Variants in APOB observed in about 807,000 individuals in gnomAD.
The protein encoded by APOB is apolipoprotein B.
Under a neutral mutation model 314.1 loss-of-function variants are expected in APOB, and 153 were observed. The observed-to-expected ratio is 0.49, with a 90% CI of 0.43 to 0.56. The LOEUF (loss-of-function observed/expected upper bound fraction) is 0.56. Ranked by LOEUF, APOB falls within the 20% of genes least tolerant of loss-of-function variation. The pLI, the probability that APOB is intolerant of heterozygous loss-of-function variation, is 0.00. For missense variants in APOB, 5,430 were observed against 5,350.7 expected, an observed-to-expected ratio of 1.01 and a Z score of -0.46; for synonymous variants, 2,087 against 2,036.4, an observed-to-expected ratio of 1.02 and a Z score of -0.67.
In APOB at chr2:21,012,128, G is replaced by A. The variant is rs758468209; in HGVS notation, c.4740C>T (p.Asn1580=). Residue 1580 remains asparagine (N), a synonymous_variant, in exon 26 of 29, where the codon AAC becomes AAT. Coordinates refer to ENST00000233242, the MANE Select transcript of APOB (RefSeq NM_000384.3). ...LKSDTNGKYK[N]FATSNKMDMT... is the part of the protein sequence containing the mutation. ...TATCCATCTTGTTAGAAGTGGCAAA[G>A]TTCTTATACTTCCCATTGGTGTCAG... 3.7e-6 allele frequency: 6 copies of A among 1,606,932 alleles called. No homozygotes were observed. The highest frequency in any genetic ancestry group is 5.1e-6 in the Non-Finnish European group (6 of 1,175,874).
chr2:21,040,086 G>C (rs1157889073), intron 4 of APOB, among the ~76,000 whole-genome samples: 1 of 152,138 alleles, frequency 6.6e-6, no homozygotes, highest in Non-Finnish European at 1.5e-5. Flanking sequence ...GATTGCAGAT[G>C]GGTGTCGGGA....
intron 24 of APOB, among the ~76,000 whole-genome samples, chr2:21,013,982 G>A (rs1224078329): frequency 6.6e-6 from 1 of 152,166 alleles, no homozygotes; most frequent in East Asian, 1.9e-4. Context: ...ATACAAATTT[G>A]CTAAACTGAA....
chr2:21,022,456 TG>T lies in APOB; in HGVS notation c.2816+374del, dbSNP rs1037469208. Among the ~76,000 whole-genome samples, 13 of 152,320 alleles carry T rather than the reference TG, an allele frequency of 8.5e-5. No individual in the cohort carries two copies. In the East Asian group the frequency reaches 2.5e-3, roughly 29 times the overall value. On this transcript the variant is annotated intron_variant, in intron 18 of 28. Transcript: ENST00000233242. ...AATCAATATGTTCTTAGGTATTTTT[TG>T]GGGGGGAAAATATTAATTTTCCAAA...
intron 7 of APOB, 58 bp from the exon 8 acceptor site, chr2:21,034,959 T>G: frequency 2.2e-6 from 2 of 894,962 alleles, no homozygotes; most frequent in South Asian, 2.6e-5. Flanking sequence ...ATTCTTTCCA[T>G]GTTGAAGGTT....
rs779869008 is a variant in APOB, at chr2:21,011,046, G to A, written c.5822C>T (p.Thr1941Ile). The change falls in exon 26 of 29, where the codon ACT becomes ATT. Residue 1941 changes from threonine to isoleucine, a missense_variant. Transcript: ENST00000233242. ...GGAGCCTTTGTAATCATGAGAGAAA[G>A]TAAATGCCAGAGGTTCTGCTTTCAA... Reference protein sequence around the residue: ...FLLKAEPLAFTFSHDYKGSTS... With the variant: ...FLLKAEPLAFIFSHDYKGSTS... 1.9e-5 allele frequency: 31 copies of A among 1,614,176 alleles called. 1 individual carries two copies. In the South Asian group the frequency reaches 3.4e-4, roughly 18 times the overall value.
At chr2:21,026,582 T>C (rs769290864) in intron 15 of APOB, among the ~76,000 whole-genome samples, 11 of 152,168 alleles carry the variant, frequency 7.2e-5, no homozygotes, top group Non-Finnish European at 1.5e-4. Context: ...AGAGTACTTA[T>C]TGTGAGTCTG....
rs544574394 is a variant in APOB at position 21,025,920 on chromosome 2, TC to T, written c.2245-797del. Among the ~76,000 whole-genome samples, 444 of 152,322 alleles carry T rather than the reference TC, an allele frequency of 2.9e-3. 1 individual carries two copies. The highest frequency in any genetic ancestry group is 1.0e-2 in the African/African-American group (414 of 41,574). On this transcript the variant is annotated intron_variant, in intron 15 of 28. Coordinates refer to ENST00000233242, the MANE Select transcript of APOB (RefSeq NM_000384.3). ...CCTATTTCCCTCCTTAAATGGGGGC[TC>T]ATTGCTAGCTTCAAAGTGGAAGTTT...
In APOB at chr2:21,002,698, G is replaced by C; in HGVS notation, c.12724C>G (p.Leu4242Val). ...YSKVHNGSEILFSYFQDLVIT... is the reference protein window; with the variant it reads ...YSKVHNGSEIVFSYFQDLVIT... ...ACTAGGTCTTGGAAATAGGAAAACA[G>C]TATTTCTGAACCATTATGGACTTTC... The change falls in exon 29 of 29, where the codon CTG becomes GTG. Residue 4242 changes from leucine to valine, a missense_variant. By Grantham distance (32) the Leu-to-Val change is conservative (BLOSUM62 1). Around this residue, in one of 3 missense-constraint regions of APOB, gnomAD observed 3,281 missense variants for 3,171.0 expected, o/e 1.03. Coordinates refer to ENST00000233242, the MANE Select transcript of APOB (RefSeq NM_000384.3). The C allele has an allele frequency of 1.9e-6, 3 of 1,613,740 alleles. No individual in the cohort carries two copies. In the South Asian group the frequency reaches 3.3e-5, roughly 18 times the overall value.
intron 4 of APOB, among the ~76,000 whole-genome samples, 193 bp from the exon 5 acceptor site, chr2:21,038,304 G>A (rs1261579046): frequency 6.6e-6 from 1 of 151,668 alleles, no homozygotes; most frequent in East Asian, 1.9e-4. Flanking sequence ...ATATACATAA[G>A]TTTTGGTGAT....
intron 3 of APOB, 116 bp from the exon 4 acceptor site, chr2:21,041,199 C>T: frequency 9.1e-7 from 1 of 1,095,284 alleles, no homozygotes. Flanking sequence ...CTGGGAACAC[C>T]ACTGCCTGCG....
At chr2:21,017,006 TAAATAAATAAACAAAC>T (rs1558567958) in intron 20 of APOB, among the ~76,000 whole-genome samples, 120 of 135,116 alleles carry the variant, frequency 8.9e-4, no homozygotes, top group African/African-American at 3.1e-3. Context: ...AATAAATAAA[TAAATAAATAAACAAAC>T]AAATAAATAA....
chr2:21,035,512 A>G, intron 7 of APOB, 72 bp downstream of exon 7: 1 of 1,583,860 alleles, frequency 6.3e-7, no homozygotes, highest in Admixed American at 1.7e-5. Flanking sequence ...TGCCTGGAAC[A>G]GAGCACTTGA....
Position 21,014,520 on chromosome 2 carries a change from C to T in APOB, c.3770G>A (p.Ser1257Asn). Residue 1257 changes from serine to asparagine, a missense_variant, in exon 24 of 29, where the codon AGC becomes AAC. Ser to Asn is a conservative substitution (Grantham distance 46). Around this residue, in one of 3 missense-constraint regions of APOB, gnomAD observed 2,085 missense variants for 2,079.7 expected, o/e 1.00. Transcript: ENST00000233242. ...YTQTLQDHLN[S>N]LKEFNLQNMG... is the part of the protein sequence containing the mutation. Reference sequence around the variant, plus strand: ...GTTCTGGAGGTTGAACTCCTTCAGGCTATTGAGGTGGTCTTGCAAAGTCTG... The same window carrying T: ...GTTCTGGAGGTTGAACTCCTTCAGGTTATTGAGGTGGTCTTGCAAAGTCTG... 6.2e-7 allele frequency: 1 copy of T among 1,614,084 alleles called. No homozygotes were observed. Among genetic ancestry groups the T allele is most frequent in the Non-Finnish European group, 8.5e-7 (1 of 1,180,002 alleles).
intron 10 of APOB, among the ~76,000 whole-genome samples, chr2:21,030,914 A>C (rs1442622574): frequency 1.3e-5 from 2 of 152,324 alleles, no homozygotes; most frequent in East Asian, 3.9e-4. Flanking sequence ...AACATCTTAC[A>C]AGAGTCAGGA....
At position 21,015,229 on chromosome 2, in the gene APOB, T is replaced by C. The variant is rs1558567076; in HGVS notation, c.3540A>G (p.Thr1180=). 6.2e-7 allele frequency: 1 copy of C among 1,614,258 alleles called. No individual in the cohort carries two copies. Among genetic ancestry groups the C allele is most frequent in the Non-Finnish European group, 8.5e-7 (1 of 1,180,030 alleles). The change falls in exon 23 of 29, where the codon ACA becomes ACG. Residue 1180 remains threonine, a synonymous_variant. Coordinates refer to ENST00000233242, the MANE Select transcript of APOB (RefSeq NM_000384.3). ...DEEKIEFEWN[T]GTNVDTKKMT... ...TTTTTTTGGTATCTACATTGGTGCC[T>C]GTGTTCCATTCAAATTCAATCTTCT...
Position 21,007,875 on chromosome 2 carries a change from C to T in APOB, c.8993G>A (p.Gly2998Asp). 1.2e-6 allele frequency: 2 copies of T among 1,614,082 alleles called. No homozygotes were observed. Among genetic ancestry groups the T allele is most frequent in the Non-Finnish European group, 1.7e-6 (2 of 1,179,966 alleles). ...IQSQVDSQHV[G>D]HSVLTAKGMA... is the part of the protein sequence containing the mutation. ...GCCTTTAGCAGTTAGAACACTGTGG[C>T]CCACATGCTGGGAATCGACTTGTGA... The change falls in exon 26 of 29, where the codon GGC becomes GAC. Residue 2998 changes from glycine to aspartate, a missense_variant. By Grantham distance (94) the Gly-to-Asp change is moderately conservative. Around this residue, in one of 3 missense-constraint regions of APOB, gnomAD observed 3,281 missense variants for 3,171.0 expected, o/e 1.03. Coordinates refer to ENST00000233242, the MANE Select transcript of APOB (RefSeq NM_000384.3).
rs767146440 is a variant in APOB, at chr2:21,009,142, G to A, written c.7726C>T (p.Arg2576Cys). The A allele has an allele frequency of 3.4e-5, 55 of 1,613,996 alleles. 2 individuals are homozygous for A. The highest frequency in any genetic ancestry group is 2.5e-4 in the South Asian group (23 of 91,080). ...CCTTGCTCTACCAATGCTTTCATAC[G>A]TTTAGCCCAATCTTGGATAGAATAT... The part of the protein sequence containing the change: ...EQYSIQDWAK[R>C]MKALVEQGFT... The change falls in exon 26 of 29, where the codon CGT becomes TGT. Residue 2576 changes from arginine to cysteine, a missense_variant. Physicochemically the swap from Arg to Cys is radical, Grantham distance 180. Transcript: ENST00000233242.
intron 1 of APOB, 55 bp from the exon 2 acceptor site, chr2:21,043,606 T>G: frequency 1.3e-6 from 2 of 1,567,784 alleles, no homozygotes; most frequent in Non-Finnish European, 1.7e-6. Context: ...CAGCGGGTGC[T>G]AGGGCCCGAC....
rs2103350268 is a variant in APOB, at chr2:21,005,129, C to T, written c.11739G>A (p.Leu3913=). 2 of 1,613,950 alleles carry T rather than the reference C, an allele frequency of 1.2e-6. No homozygotes were observed. The highest frequency in any genetic ancestry group is 1.7e-5 in the Admixed American group (1 of 60,004). Residue 3913 remains leucine, a synonymous_variant, in exon 26 of 29, where the codon CTG becomes CTA. Coordinates refer to ENST00000233242, the MANE Select transcript of APOB (RefSeq NM_000384.3). ...KNKADYVETV[L]DSTCSSTVQF... ...GTACGGTTGAGCTGCATGTGGAATC[C>T]AGGACTGTTTCAACATAATCTGCTT...
Sources: gnomAD v4.1 joint callset for allele counts (sites outside exome capture counted in the v4.1 genomes callset) on GRCh38, gnomAD v4.1.1 for gene constraint, gnomAD v4.1.1 regional missense constraint, MANE v1.5 for transcripts, NCBI Gene and HGNC (gene_info 2026-07-23, HGNC 2026-07-21) for gene names.